Variants in SCFD2 observed in about 807,000 individuals in gnomAD.
The protein encoded by SCFD2 is sec1 family domain-containing protein 2.
In SCFD2, 54 loss-of-function variants were observed where a neutral mutation model predicts 58.9. The ratio of observed to expected loss-of-function variants is 0.92; its 90% confidence interval spans 0.74 to 1.15. The LOEUF is 1.15. Among genes scored for constraint, SCFD2 ranks in the 50% most tolerant of loss-of-function variants. The pLI, the probability that SCFD2 is intolerant of heterozygous loss-of-function variation, is 0.00. For synonymous variants in SCFD2, 321 were observed against 335.9 expected (o/e 0.96, Z 0.49); for missense variants, 805 against 836.6 (o/e 0.96, Z 0.47).
intron 5 of SCFD2, among the ~76,000 whole-genome samples, chr4:52,936,646 C>A (rs1720145738): frequency 6.6e-6 from 1 of 152,190 alleles, no homozygotes; most frequent in African/African-American, 2.4e-5. Context: ...CAACGTCAGG[C>A]TGGCCCCTCT....
chr4:53,213,110 C>T (rs9998819), intron 4 of SCFD2, among the ~76,000 whole-genome samples: 31,722 of 151,808 alleles, frequency 0.21, 3,762 homozygotes, highest in Non-Finnish European at 0.28. Context: ...ATGATAATCA[C>T]GATTAAATTA....
At chr4:52,911,791 C>T (rs996476928) in intron 6 of SCFD2, among the ~76,000 whole-genome samples, 1 of 152,218 alleles carries the variant, frequency 6.6e-6, no homozygotes, top group Non-Finnish European at 1.5e-5. Flanking sequence ...CAAACCCTCT[C>T]TTCTAGACTC....
chr4:53,180,112 G>A (rs1428119119), intron 4 of SCFD2, among the ~76,000 whole-genome samples: 1 of 152,072 alleles, frequency 6.6e-6, no homozygotes, highest in Non-Finnish European at 1.5e-5. Context: ...AGTTAACAAG[G>A]ATACCCAGGA....
At chr4:53,171,226 G>A (rs1292711296) in intron 4 of SCFD2, among the ~76,000 whole-genome samples, 1 of 152,170 alleles carries the variant, frequency 6.6e-6, no homozygotes, top group African/African-American at 2.4e-5. Context: ...ATTGTAAAAG[G>A]ATGTTGGCTT....
At chr4:52,964,787 C>T (rs1720924579) in intron 5 of SCFD2, among the ~76,000 whole-genome samples, 1 of 151,834 alleles carries the variant, frequency 6.6e-6, no homozygotes, top group South Asian at 2.1e-4. Flanking sequence ...TTGTCCAGCC[C>T]TCACTTGAGT....
chr4:53,044,308 C>T (rs1335448180), intron 5 of SCFD2, among the ~76,000 whole-genome samples: 2 of 152,086 alleles, frequency 1.3e-5, no homozygotes, highest in African/African-American at 2.4e-5. Context: ...ATTTACATCA[C>T]AGCCCAAGGC....
At chr4:52,893,758 A>T (rs1718935825) in intron 7 of SCFD2, among the ~76,000 whole-genome samples, 1 of 152,218 alleles carries the variant, frequency 6.6e-6, no homozygotes, top group African/African-American at 2.4e-5. Context: ...CTACTCAACC[A>T]TTCATTTATA....
chr4:53,140,228 A>G lies in SCFD2; in HGVS notation c.1561+5105T>C, dbSNP rs189770136. On this transcript the variant is annotated intron_variant, in intron 5 of 8. Coordinates refer to ENST00000401642, the MANE Select transcript of SCFD2 (RefSeq NM_152540.4). ...AAATACTAAAAAAATAAAAAAAAAG[A>G]ACAAAAAGAAAAAGGGATATCATTT... is the stretch of plus-strand genomic sequence containing the variant. Among the ~76,000 whole-genome samples, 3 of 151,726 alleles carry G rather than the reference A, an allele frequency of 2.0e-5. No individual in the cohort carries two copies. In the East Asian group the frequency reaches 5.8e-4, roughly 29 times the overall value.
rs1718395712 is a variant in SCFD2, at chr4:52,873,426, C to T, written c.*543G>A. 1 of 153,580 alleles carries T rather than the reference C, an allele frequency of 6.5e-6. No individual in the cohort carries two copies. Among genetic ancestry groups the T allele is most frequent in the South Asian group, 2.1e-4 (1 of 4,874 alleles). 9.5% of individuals were successfully genotyped at this position (153,580 alleles called of 1,614,324 possible). A position where few individuals can be genotyped will look rare whatever the true frequency, so the allele number is the denominator to read the frequency against. On this transcript the variant is annotated 3_prime_UTR_variant, in exon 9 of 9. Transcript: ENST00000401642. The stretch of plus-strand genomic sequence containing the variant: ...AACACATGCAGGCTACCAGCACTGC[C>T]CCAGACACTACCCCTCCCTTCCTTG...
intron 4 of SCFD2, among the ~76,000 whole-genome samples, chr4:53,148,460 C>A (rs1371626378): frequency 6.6e-6 from 1 of 152,172 alleles, no homozygotes; most frequent in Non-Finnish European, 1.5e-5. Context: ...AAAGAGCCAT[C>A]AGAGATGGTG....
intron 5 of SCFD2, among the ~76,000 whole-genome samples, chr4:53,105,534 G>T (rs1205223682): frequency 6.6e-6 from 1 of 152,186 alleles, no homozygotes; most frequent in Non-Finnish European, 1.5e-5. Context: ...CACTTGAAAA[G>T]GTGGTTTTCC....
chr4:53,360,400 G>A (rs1734517244), intron 1 of SCFD2, among the ~76,000 whole-genome samples: 1 of 152,204 alleles, frequency 6.6e-6, no homozygotes, highest in South Asian at 2.1e-4. Flanking sequence ...TTCTAAAAGT[G>A]AGCAGGTGAT....
At chr4:53,218,110 A>G (rs532514075) in intron 4 of SCFD2, among the ~76,000 whole-genome samples, 2 of 152,180 alleles carry the variant, frequency 1.3e-5, no homozygotes, top group South Asian at 2.1e-4. Flanking sequence ...TGAATCTGAC[A>G]ATTATGTGTC....
At chr4:53,239,757 T>A (rs1463267262) in intron 4 of SCFD2, among the ~76,000 whole-genome samples, 1 of 152,204 alleles carries the variant, frequency 6.6e-6, no homozygotes. Context: ...ATTACAGGCA[T>A]GAGGCACCAT....
chr4:52,955,296 TC>T (rs1720685497), intron 5 of SCFD2, among the ~76,000 whole-genome samples: 1 of 152,172 alleles, frequency 6.6e-6, no homozygotes, highest in Non-Finnish European at 1.5e-5. Flanking sequence ...ACACCTTTGG[TC>T]TTCTTGCTAC....
intron 3 of SCFD2, among the ~76,000 whole-genome samples, chr4:53,303,574 C>T (rs1047077789): frequency 1.3e-5 from 2 of 152,098 alleles, no homozygotes; most frequent in Non-Finnish European, 2.9e-5. Context: ...ACTTGAAATA[C>T]CATTTGACCC....
intron 2 of SCFD2, among the ~76,000 whole-genome samples, chr4:53,345,286 G>A (rs930776639): frequency 4.6e-5 from 7 of 152,122 alleles, no homozygotes; most frequent in African/African-American, 7.2e-5. Context: ...AGTGGGCAAC[G>A]GATATGAACA....
chr4:52,912,967 A>T (rs1031560362), intron 6 of SCFD2, among the ~76,000 whole-genome samples: 1 of 152,234 alleles, frequency 6.6e-6, no homozygotes, highest in African/African-American at 2.4e-5. Context: ...GTTTGTCTCC[A>T]TATTAAGAGG....
intron 5 of SCFD2, among the ~76,000 whole-genome samples, chr4:53,002,758 C>G (rs1721890680): frequency 6.6e-6 from 1 of 152,176 alleles, no homozygotes; most frequent in South Asian, 2.1e-4. Flanking sequence ...TCTGTTCTCA[C>G]ACTGCTATAA....
Sources: gnomAD v4.1 joint callset for allele counts (sites outside exome capture counted in the v4.1 genomes callset) on GRCh38, gnomAD v4.1.1 for gene constraint, MANE v1.5 for transcripts, NCBI Gene and HGNC (gene_info 2026-07-23, HGNC 2026-07-21) for gene names.